The following MSH3 variants were observed in gnomAD, a reference collection of about 807,000 sequenced individuals.
MSH3 encodes the protein mutS homolog 3.
A neutral mutation model predicts 123.3 loss-of-function variants in MSH3; 106 were observed. The ratio of observed to expected loss-of-function variants is 0.86; its 90% confidence interval spans 0.73 to 1.01. The LOEUF (loss-of-function observed/expected upper bound fraction) is 1.01. MSH3 is among the 50% of genes least tolerant of loss of function. The probability of loss-of-function intolerance (pLI) is 0.00; values close to 1 mark genes in which losing one functional copy is unlikely to be tolerated. For synonymous variants in MSH3, 515 were observed against 481.4 expected (o/e 1.07, Z -0.91); for missense variants, 1,459 against 1,347.6 (o/e 1.08, Z -1.29).
intron 12 of MSH3, among the ~76,000 whole-genome samples, chr5:80,750,499 A>G (rs1442780428): frequency 6.6e-6 from 1 of 151,946 alleles, no homozygotes; most frequent in African/African-American, 2.4e-5. Flanking sequence ...GCATTGTTTC[A>G]TTTATCTATT....
At chr5:80,738,400 A>C (rs1055199213) in intron 10 of MSH3, among the ~76,000 whole-genome samples, 1 of 152,160 alleles carries the variant, frequency 6.6e-6, no homozygotes, top group Non-Finnish European at 1.5e-5. Flanking sequence ...TCAGTGGTTC[A>C]CTTGAGGCAT....
chr5:80,753,852 G>A (rs1743879550), intron 12 of MSH3, among the ~76,000 whole-genome samples: 1 of 152,148 alleles, frequency 6.6e-6, no homozygotes, highest in Admixed American at 6.5e-5. Context: ...AGAAAGAACA[G>A]GGAGGATATA....
At chr5:80,685,085 C>T (rs543855344) in intron 8 of MSH3, among the ~76,000 whole-genome samples, 6 of 151,444 alleles carry the variant, frequency 4.0e-5, no homozygotes, top group Admixed American at 2.6e-4. Flanking sequence ...TGAGGATTTT[C>T]GCATCAATAT....
rs1192783960 is a variant in MSH3 at position 80,784,212 on chromosome 5, C to CAAAAAAAAAAAAAAAAAA, written c.2436-3343_2436-3326dup. 1.9e-3 allele frequency among the ~76,000 whole-genome samples: 23 copies of CAAAAAAAAAAAAAAAAAA among 11,978 alleles called. 2 individuals are homozygous for CAAAAAAAAAAAAAAAAAA. Among genetic ancestry groups the CAAAAAAAAAAAAAAAAAA allele is most frequent in the East Asian group, 7.2e-3 (4 of 552 alleles). The allele number at this position is 11,978 out of a possible 152,430, so 7.9% of individuals were successfully genotyped here. ...GCGAAAGAGCGAGACTACTACGTCG[C>CAAAAAAAAAAAAAAAAAA]AAAAAAAAAAAAAAAAAAAAAAAAA... On this transcript the variant is annotated intron_variant, in intron 17 of 23. Transcript: ENST00000265081.
Position 80,767,946 on chromosome 5 carries a change from A to G in MSH3, c.1910A>G (p.Glu637Gly), listed in dbSNP as rs376488647. Reference protein sequence around the residue: ...SIYHKKCSTQEFFLIVKTLYH... With the variant: ...SIYHKKCSTQGFFLIVKTLYH... ...TTCTATTTTCAGTGTTCTACCCAAG[A>G]GTTCTTCTTGATTGTCAAAACTTTA... Residue 637 changes from glutamate to glycine, a missense_variant, in exon 14 of 24, where the codon GAG (glutamate) becomes GGG (glycine). Physicochemically the swap from Glu to Gly is moderately conservative, Grantham distance 98. Transcript: ENST00000265081. 3.8e-5 allele frequency: 61 copies of G among 1,609,760 alleles called. No individual in the cohort carries two copies. Among genetic ancestry groups the G allele is most frequent in the Non-Finnish European group, 5.2e-5 (61 of 1,176,308 alleles).
chr5:80,768,504 T>C (rs1225400644), intron 14 of MSH3, among the ~76,000 whole-genome samples: 1 of 152,152 alleles, frequency 6.6e-6, no homozygotes, highest in Non-Finnish European at 1.5e-5. Flanking sequence ...CTTTAAAAGG[T>C]AGTTATAACA....
chr5:80,680,261 A>C (rs76117448), intron 8 of MSH3, among the ~76,000 whole-genome samples: 1 of 143,552 alleles, frequency 7.0e-6, no homozygotes, highest in East Asian at 2.0e-4. Context: ...CTCTTATCTC[A>C]AAAAAAAAAA....
Position 80,775,805 on chromosome 5 carries a change from C to T in MSH3, c.2318+47C>T, listed in dbSNP as rs1554072668. 5 of 996,426 alleles carry T rather than the reference C, an allele frequency of 5.0e-6. No homozygotes were observed. The Admixed American group carries it at 5.1e-5, about 10-fold the overall frequency. 61.7% of individuals were successfully genotyped at this position (996,426 alleles called of 1,614,324 possible). A position where few individuals can be genotyped will look rare whatever the true frequency, so the allele number is the denominator to read the frequency against. ...TTCTTACAATGCATTATGATGACAT[C>T]TGTATATCTATGTGCTACTGGGCTC... On this transcript the variant is annotated intron_variant, in intron 16 of 23. Transcript: ENST00000265081.
At chr5:80,695,183 A>T (rs548122412) in intron 8 of MSH3, among the ~76,000 whole-genome samples, 1 of 130,298 alleles carries the variant, frequency 7.7e-6, no homozygotes, top group African/African-American at 2.9e-5. Context: ...TATTCATTTT[A>T]TTTTTATTGC....
chr5:80,796,372 A>G (rs1004576035), intron 19 of MSH3, among the ~76,000 whole-genome samples: 2 of 152,038 alleles, frequency 1.3e-5, no homozygotes, highest in African/African-American at 4.8e-5. Flanking sequence ...TTTTTTTTCA[A>G]GCAGGCACCT....
chr5:80,702,305 C>G (rs1430467811), intron 8 of MSH3, among the ~76,000 whole-genome samples: 1 of 152,102 alleles, frequency 6.6e-6, no homozygotes, highest in East Asian at 1.9e-4. Context: ...GGACATGAAT[C>G]CTGAACACAC....
intron 19 of MSH3, among the ~76,000 whole-genome samples, chr5:80,812,300 G>T (rs1042660764): frequency 6.6e-6 from 1 of 152,156 alleles, no homozygotes; most frequent in Non-Finnish European, 1.5e-5. Flanking sequence ...TTTGTGTGAA[G>T]TTTCTCACTT....
At chr5:80,824,323 C>T (rs553427472) in intron 20 of MSH3, among the ~76,000 whole-genome samples, 409 of 151,744 alleles carry the variant, frequency 2.7e-3, no homozygotes, top group African/African-American at 9.5e-3. Flanking sequence ...GGCGGAGGCG[C>T]CCCCCACCTC....
At chr5:80,841,408 G>C (rs929745197) in intron 20 of MSH3, among the ~76,000 whole-genome samples, 1 of 152,150 alleles carries the variant, frequency 6.6e-6, no homozygotes, top group African/African-American at 2.4e-5. Flanking sequence ...ATAATCCTTT[G>C]GGTATATACC....
intron 8 of MSH3, among the ~76,000 whole-genome samples, chr5:80,721,900 A>G (rs1751088996): frequency 6.6e-6 from 1 of 152,084 alleles, no homozygotes; most frequent in African/African-American, 2.4e-5. Context: ...AGGTATAGCC[A>G]TTTGTGTTTC....
chr5:80,754,506 T>C (rs1393787795), intron 12 of MSH3, among the ~76,000 whole-genome samples: 1 of 152,148 alleles, frequency 6.6e-6, no homozygotes, highest in Non-Finnish European at 1.5e-5. Flanking sequence ...GAGATACAAG[T>C]AGTGGAAGCT....
intron 23 of MSH3, among the ~76,000 whole-genome samples, chr5:80,875,409 C>A (rs1746290845): frequency 6.6e-6 from 1 of 152,174 alleles, no homozygotes; most frequent in Non-Finnish European, 1.5e-5. Flanking sequence ...CCTGGGAACA[C>A]TTCATAGGAG....
rs780457592 is a variant in MSH3 at position 80,654,858 on chromosome 5, C to G, written c.131C>G (p.Ala44Gly). ...LKSTSSSTGA[A>G]DQVDPGAAAA... ...TCCACCTCCTCCTCCACAGGTGCAG[C>G]CGACCAGGTGGACCCTGGCGCTGCA... The change falls in exon 1 of 24, where the codon GCC becomes GGC. Residue 44 changes from alanine (A) to glycine (G), a missense_variant. Physicochemically the swap from Ala to Gly is moderately conservative, Grantham distance 60. Transcript: ENST00000265081. 12 of 1,602,366 alleles carry G rather than the reference C, an allele frequency of 7.5e-6. No individual in the cohort carries two copies. The highest frequency in any genetic ancestry group is 1.0e-5 in the Non-Finnish European group (12 of 1,174,918).
chr5:80,686,988 G>C (rs981175156), intron 8 of MSH3, among the ~76,000 whole-genome samples: 1 of 152,126 alleles, frequency 6.6e-6, no homozygotes, highest in Non-Finnish European at 1.5e-5. Flanking sequence ...TTGATATTTT[G>C]TGAATTACTG....
Sources: gnomAD v4.1 joint callset for allele counts (sites outside exome capture counted in the v4.1 genomes callset) on GRCh38, gnomAD v4.1.1 for gene constraint, MANE v1.5 for transcripts, NCBI Gene and HGNC (gene_info 2026-07-23, HGNC 2026-07-21) for gene names.